The following CNGA4 variants were observed in gnomAD, a reference collection of about 807,000 sequenced individuals.
CNGA4 encodes cyclic nucleotide-gated channel alpha-4.
Under a neutral mutation model 45.6 loss-of-function variants are expected in CNGA4, and 32 were observed. The observed-to-expected ratio is 0.70, with a 90% CI of 0.53 to 0.94. CNGA4 has a LOEUF of 0.94. Ranked by LOEUF, CNGA4 falls within the 40% of genes least tolerant of loss-of-function variation. The pLI, the probability that CNGA4 is intolerant of heterozygous loss-of-function variation, is 0.00. For synonymous variants in CNGA4, 293 were observed against 304.6 expected, an observed-to-expected ratio of 0.96 and a Z score of 0.40; for missense variants, 726 against 755.1, an observed-to-expected ratio of 0.96 and a Z score of 0.45.
chr11:6,236,492 G>A (rs1847840753), upstream of CNGA4, among the ~76,000 whole-genome samples: 3 of 152,202 alleles, frequency 2.0e-5, no homozygotes. Flanking sequence ...TGATGATTGG[G>A]TGGATATAAG....
Position 6,244,109 on chromosome 11 carries a change from C to G in CNGA4, c.1428C>G (p.Asn476Lys). ...EKGREILLKMNKLDVNAEAAE... is the reference protein window; with the variant it reads ...EKGREILLKMKKLDVNAEAAE... The stretch of plus-strand genomic sequence containing the variant: ...GACGTGAGATCCTGCTGAAAATGAA[C>G]AAGTTGGACGTGAATGCTGAGGCAG... The change falls in exon 6 of 6, where the codon AAC becomes AAG. Residue 476 changes from asparagine to lysine, a missense_variant. Asn to Lys is a moderately conservative substitution (Grantham distance 94). Coordinates refer to ENST00000379936, the MANE Select transcript of CNGA4 (RefSeq NM_001037329.4). The surrounding 1 kb of genome is among the most constrained non-coding windows in gnomAD (Gnocchi z 4.5). 6.2e-7 allele frequency: 1 copy of G among 1,614,206 alleles called. No individual in the cohort carries two copies. Among genetic ancestry groups the G allele is most frequent in the Non-Finnish European group, 8.5e-7 (1 of 1,180,036 alleles).
At chr11:6,238,562 C>G (rs1847866199), upstream of CNGA4, among the ~76,000 whole-genome samples, 1 of 152,120 alleles carries the variant, frequency 6.6e-6, no homozygotes, top group Admixed American at 6.5e-5. Flanking sequence ...GATATGAGGA[C>G]AAAAGCACCA....
upstream of CNGA4, among the ~76,000 whole-genome samples, chr11:6,235,888 G>T (rs1047845635): frequency 6.6e-6 from 1 of 151,390 alleles, no homozygotes; most frequent in East Asian, 1.9e-4. Flanking sequence ...GCAGTTAGCC[G>T]AGATCGCACC....
At chr11:6,242,937 A>G (rs995754180) in intron 5 of CNGA4, among the ~76,000 whole-genome samples, 1 of 152,120 alleles carries the variant, frequency 6.6e-6, no homozygotes, top group African/African-American at 2.4e-5. Context: ...AAATACTTCA[A>G]TAGTTTCCTA....
Position 6,240,826 on chromosome 11 carries a change from T to C in CNGA4, c.917+115T>C. 1 of 1,327,356 alleles carries C rather than the reference T, an allele frequency of 7.5e-7. No individual in the cohort carries two copies. Among genetic ancestry groups the C allele is most frequent in the Non-Finnish European group, 1.0e-6 (1 of 967,958 alleles). 82.2% of individuals were successfully genotyped at this position (1,327,356 alleles called of 1,614,324 possible). A position where few individuals can be genotyped will look rare whatever the true frequency, so the allele number is the denominator to read the frequency against. On this transcript the variant is annotated intron_variant, in intron 4 of 5. Coordinates refer to ENST00000379936, the MANE Select transcript of CNGA4 (RefSeq NM_001037329.4). This position sits in a 1 kb window ranked among gnomAD's most constrained non-coding sequence, Gnocchi z 4.9. ...CAGGCAAGGCTGTCAAAATGTAGCATTCAGCCGTGGGTTTGCTGGCTGGGG... is the reference window on the plus strand; with the variant it reads ...CAGGCAAGGCTGTCAAAATGTAGCACTCAGCCGTGGGTTTGCTGGCTGGGG...
At chr11:6,237,583 A>G (rs2133871696), upstream of CNGA4, among the ~76,000 whole-genome samples, 1 of 152,264 alleles carries the variant, frequency 6.6e-6, no homozygotes, top group South Asian at 2.1e-4. Flanking sequence ...CATAGAAGGA[A>G]TAGACAGAGG....
intron 1 of CNGA4, 52 bp downstream of exon 1, chr11:6,239,320 C>A: frequency 1.2e-6 from 2 of 1,612,466 alleles, no homozygotes; most frequent in South Asian, 2.2e-5. Flanking sequence ...CTCTTGGTGC[C>A]CCAGTCACAA....
upstream of CNGA4, among the ~76,000 whole-genome samples, chr11:6,236,790 ACC>A (rs1847845397): frequency 6.6e-6 from 1 of 152,174 alleles, no homozygotes; most frequent in African/African-American, 2.4e-5. Context: ...TATGTGACAA[ACC>A]AACCCAAACT....
intron 3 of CNGA4, 136 bp downstream of exon 3, chr11:6,239,926 C>T (rs1847886795): frequency 7.4e-7 from 1 of 1,353,682 alleles, no homozygotes; most frequent in Non-Finnish European, 1.0e-6. Flanking sequence ...TCCCAGTGCT[C>T]ACCCCGGAAA....
intron 3 of CNGA4, 101 bp from the exon 4 acceptor site, chr11:6,239,965 C>T: frequency 6.8e-7 from 1 of 1,467,682 alleles, no homozygotes; most frequent in South Asian, 1.3e-5. Context: ...CCTGGCTCCA[C>T]TCTGTCCTTC....
chr11:6,244,585 TACACACACACACACACACAC>T (rs59621297), downstream of CNGA4, among the ~76,000 whole-genome samples: 28,046 of 141,888 alleles, frequency 0.2, 2,801 homozygotes, highest in Middle Eastern at 0.34. This position sits in a 1 kb window ranked among gnomAD's most constrained non-coding sequence, Gnocchi z 4.5. Context: ...CACTTACCAG[TACACACACACACACACACAC>T]ACACACACAC....
rs1291051111 is a variant in CNGA4, at chr11:6,240,107, A to T, written c.313A>T (p.Ile105Phe). ...QGILVVDKGR[I>F]SSRYVRTWSF... ...CATCCTGGTGGTGGACAAGGGTAGG[A>T]TCTCGAGTCGCTACGTTCGCACCTG... Residue 105 changes from isoleucine (I) to phenylalanine (F), a missense_variant, in exon 4 of 6, where the codon ATC becomes TTC. Physicochemically the swap from Ile to Phe is conservative, Grantham distance 21 (BLOSUM62 0). Coordinates refer to ENST00000379936, the MANE Select transcript of CNGA4 (RefSeq NM_001037329.4). The surrounding 1 kb of genome is among the most constrained non-coding windows in gnomAD (Gnocchi z 4.9). 1 of 1,613,682 alleles carries T rather than the reference A, an allele frequency of 6.2e-7. No individual in the cohort carries two copies. The highest frequency in any genetic ancestry group is 8.5e-7 in the Non-Finnish European group (1 of 1,179,820).
upstream of CNGA4, chr11:6,235,506 G>C (rs1474639554): frequency 1.0e-6 from 1 of 985,318 alleles, no homozygotes; most frequent in Non-Finnish European, 1.2e-6. Context: ...ATGTATAGAG[G>C]ATGAGAGGAA....
chr11:6,236,750 C>G (rs1234827183), upstream of CNGA4, among the ~76,000 whole-genome samples: 1 of 152,188 alleles, frequency 6.6e-6, no homozygotes, highest in African/African-American at 2.4e-5. Flanking sequence ...GTACACCTTT[C>G]TCTGTGTTTG....
chr11:6,239,316 G>A (rs1316651569), intron 1 of CNGA4, 48 bp downstream of exon 1: 6 of 1,612,954 alleles, frequency 3.7e-6, no homozygotes, highest in African/African-American at 2.7e-5. Flanking sequence ...ATTCCTCTTG[G>A]TGCCCCAGTC....
upstream of CNGA4, among the ~76,000 whole-genome samples, chr11:6,236,859 C>T (rs564764672): frequency 5.9e-5 from 9 of 152,272 alleles, no homozygotes; most frequent in African/African-American, 1.4e-4. Flanking sequence ...GGAATTTGGA[C>T]GAGATGCAAC....
In CNGA4 at chr11:6,240,680, A is replaced by G; in HGVS notation, c.886A>G (p.Asn296Asp). ...GAAGTACATGAAGCTGCAGCACGTCAACCGCAAGCTGGAGCGGCGAGTTAT... is the reference window on the plus strand; with the variant it reads ...GAAGTACATGAAGCTGCAGCACGTCGACCGCAAGCTGGAGCGGCGAGTTAT... ...VKKYMKLQHV[N>D]RKLERRVIDW... The change falls in exon 4 of 6, where the codon AAC becomes GAC. Residue 296 changes from asparagine to aspartate, a missense_variant. Coordinates refer to ENST00000379936, the MANE Select transcript of CNGA4 (RefSeq NM_001037329.4). This position sits in a 1 kb window ranked among gnomAD's most constrained non-coding sequence, Gnocchi z 4.9. 1 of 1,613,666 alleles carries G rather than the reference A, an allele frequency of 6.2e-7. No individual in the cohort carries two copies. The highest frequency in any genetic ancestry group is 8.5e-7 in the Non-Finnish European group (1 of 1,179,652).
rs1014766583 is a variant in CNGA4 at position 6,244,360 on chromosome 11, A to C, written c.1679A>C (p.Lys560Thr). ...GGTGAGCCTGAGGAGGGAACTTCCA[A>C]AGATGAAGAGGGCAGGGCCAGCCAG... is the stretch of plus-strand genomic sequence containing the variant. ...DEGEPEEGTSKDEEGRASQEG... is the reference protein window; with the variant it reads ...DEGEPEEGTSTDEEGRASQEG... Residue 560 changes from lysine to threonine, a missense_variant, in exon 6 of 6, where the codon AAA becomes ACA. Lys to Thr is a moderately conservative substitution (Grantham distance 78, BLOSUM62 -1). Transcript: ENST00000379936. This position sits in a 1 kb window ranked among gnomAD's most constrained non-coding sequence, Gnocchi z 4.5. 55 of 1,613,970 alleles carry C rather than the reference A, an allele frequency of 3.4e-5. No individual in the cohort carries two copies. Among genetic ancestry groups the C allele is most frequent in the Non-Finnish European group, 4.6e-5 (54 of 1,179,966 alleles).
intron 5 of CNGA4, among the ~76,000 whole-genome samples, chr11:6,242,607 A>G (rs1416126312): frequency 6.6e-6 from 1 of 152,094 alleles, no homozygotes; most frequent in Admixed American, 6.5e-5. Context: ...CAAGCTCCAC[A>G]TCCTGTATGT....
Sources: gnomAD v4.1 joint callset for allele counts (sites outside exome capture counted in the v4.1 genomes callset) on GRCh38, gnomAD v4.1.1 for gene constraint, Gnocchi (gnomAD v3.1) non-coding constraint, MANE v1.5 for transcripts, NCBI Gene and HGNC (gene_info 2026-07-23, HGNC 2026-07-21) for gene names.